The following SAMD12 variants were observed in gnomAD, a reference collection of about 807,000 sequenced individuals.
SAMD12 encodes the protein sterile alpha motif domain-containing protein 12.
In SAMD12, 9 loss-of-function variants were observed where a neutral mutation model predicts 15.0. The observed-to-expected ratio is 0.60, with a 90% CI of 0.36 to 1.05. The LOEUF is 1.05. Among genes scored for constraint, SAMD12 ranks in the 50% least tolerant of loss-of-function variants. The pLI, the probability that SAMD12 is intolerant of heterozygous loss-of-function variation, is 0.01. For missense variants in SAMD12, 230 were observed against 234.2 expected, an observed-to-expected ratio of 0.98 and a Z score of 0.12; for synonymous variants, 86 against 90.1, an observed-to-expected ratio of 0.96 and a Z score of 0.25.
Position 118,420,185 on chromosome 8 carries a change from T to C in SAMD12, c.322+19647A>G, listed in dbSNP as rs144575914. Reference sequence around the variant, plus strand: ...TGAAGAAATCTGATAACTATCAAGGTACAAATTGCTAGAGAAAGAAAATCG... The same window carrying C: ...TGAAGAAATCTGATAACTATCAAGGCACAAATTGCTAGAGAAAGAAAATCG... On this transcript the variant is annotated intron_variant, in intron 3 of 3. Coordinates refer to ENST00000314727, the MANE Select transcript of SAMD12 (RefSeq NM_207506.3). Among the ~76,000 whole-genome samples the C allele has an allele frequency of 9.6e-3, 1,465 of 152,274 alleles. 11 individuals carry two copies. Among genetic ancestry groups the C allele is most frequent in the Non-Finnish European group, 0.014 (933 of 68,018 alleles).
chr8:118,549,948 T>A (rs966372258), intron 2 of SAMD12, among the ~76,000 whole-genome samples: 1 of 151,484 alleles, frequency 6.6e-6, no homozygotes, highest in African/African-American at 2.4e-5. Flanking sequence ...ATGAAATGAA[T>A]GAAATGAAGC....
intron 2 of SAMD12, among the ~76,000 whole-genome samples, chr8:118,476,070 G>A (rs1223239901): frequency 6.6e-6 from 1 of 152,160 alleles, no homozygotes; most frequent in Non-Finnish European, 1.5e-5. Flanking sequence ...GTTTGCAAAG[G>A]CTGTGCTTGG....
At chr8:118,221,514 T>A (rs1050041124) in intron 4 of SAMD12, among the ~76,000 whole-genome samples, 2 of 151,500 alleles carry the variant, frequency 1.3e-5, no homozygotes, top group African/African-American at 4.9e-5. Context: ...AAGTAAAAAA[T>A]AAATAAATAA....
At chr8:118,417,098 G>GT (rs201197837) in intron 3 of SAMD12, among the ~76,000 whole-genome samples, 1,564 of 148,056 alleles carry the variant, frequency 0.011, 35 homozygotes, top group African/African-American at 0.033. Context: ...TTGTTTTTTG[G>GT]TTTTTTTTTT....
chr8:118,553,654 AT>A (rs1826422779), intron 2 of SAMD12, among the ~76,000 whole-genome samples: 1 of 150,658 alleles, frequency 6.6e-6, no homozygotes, highest in African/African-American at 2.4e-5. Flanking sequence ...ACCAAAAGCA[AT>A]GGCAACAAAA....
chr8:118,590,035 G>GT (rs1174617696), intron 1 of SAMD12, among the ~76,000 whole-genome samples: 1 of 152,098 alleles, frequency 6.6e-6, no homozygotes, highest in Non-Finnish European at 1.5e-5. Context: ...TAATCTGGTG[G>GT]TGAGTTCTCT....
At chr8:118,613,860 G>A (rs1828167521) in intron 1 of SAMD12, among the ~76,000 whole-genome samples, 1 of 152,152 alleles carries the variant, frequency 6.6e-6, no homozygotes, top group Non-Finnish European at 1.5e-5. Context: ...CAAAATTGCT[G>A]GTGTTAAGTG....
intron 1 of SAMD12, among the ~76,000 whole-genome samples, chr8:118,609,662 C>T (rs1171317348): frequency 2.6e-5 from 4 of 152,208 alleles, no homozygotes; most frequent in South Asian, 2.1e-4. Context: ...CCACCCTGTT[C>T]GTTTATCTTC....
intron 4 of SAMD12, among the ~76,000 whole-genome samples, chr8:118,329,869 T>C (rs1816735386): frequency 6.6e-6 from 1 of 152,154 alleles, no homozygotes; most frequent in African/African-American, 2.4e-5. Flanking sequence ...TGGCTATTAC[T>C]TGACTTTTTT....
At chr8:118,580,640 C>G (rs765496145) in intron 2 of SAMD12, 75 bp downstream of exon 2, 15 of 1,052,546 alleles carry the variant, frequency 1.4e-5, no homozygotes, top group Admixed American at 1.2e-4. Context: ...ACTATCAGCT[C>G]TTCTCTGTAG....
intron 4 of SAMD12, chr8:118,282,047 G>T: frequency 3.1e-6 from 1 of 322,756 alleles, no homozygotes; most frequent in Non-Finnish European, 6.1e-6. Context: ...TGGAGACGAG[G>T]GTAACCAAGT....
intron 4 of SAMD12, among the ~76,000 whole-genome samples, chr8:118,326,509 A>G (rs1816571195): frequency 6.6e-6 from 1 of 152,202 alleles, no homozygotes; most frequent in South Asian, 2.1e-4. Context: ...GAACAGGGAA[A>G]GAGAGCCATT....
At chr8:118,521,133 G>T (rs1825377556) in intron 2 of SAMD12, among the ~76,000 whole-genome samples, 3 of 152,162 alleles carry the variant, frequency 2.0e-5, no homozygotes, top group South Asian at 2.1e-4. Flanking sequence ...TGTGCATGCG[G>T]ATCTAAAAAT....
intron 4 of SAMD12, among the ~76,000 whole-genome samples, chr8:118,301,083 C>A (rs987976942): frequency 1.5e-4 from 23 of 152,096 alleles, no homozygotes; most frequent in Non-Finnish European, 1.5e-5. Context: ...AGTAGAAATG[C>A]TGATGACAAA....
the SAMD12 span, among the ~76,000 whole-genome samples, chr8:118,142,412 C>G: frequency 1.3e-5 from 2 of 152,328 alleles, no homozygotes; most frequent in South Asian, 4.1e-4. Context: ...TCTTCAAACC[C>G]TAACTCAGGT....
intron 4 of SAMD12, among the ~76,000 whole-genome samples, chr8:118,207,150 A>G (rs1049867385): frequency 2.0e-5 from 3 of 152,212 alleles, no homozygotes; most frequent in Non-Finnish European, 4.4e-5. Context: ...ATCATTTAGG[A>G]TATCTATTAA....
intron 3 of SAMD12, among the ~76,000 whole-genome samples, chr8:118,382,529 A>G (rs1819727127): frequency 6.6e-6 from 1 of 152,248 alleles, no homozygotes; most frequent in African/African-American, 2.4e-5. Context: ...GGTTAATAGC[A>G]TTGGGTTTAA....
chr8:118,306,431 C>T (rs1005572325), intron 4 of SAMD12, among the ~76,000 whole-genome samples: 1 of 152,188 alleles, frequency 6.6e-6, no homozygotes, highest in African/African-American at 2.4e-5. Context: ...ATGGATGACT[C>T]TAAACCTTCT....
intron 3 of SAMD12, 73 bp downstream of exon 3, chr8:118,439,759 A>G: frequency 7.0e-7 from 1 of 1,421,844 alleles, no homozygotes; most frequent in Non-Finnish European, 9.8e-7. Flanking sequence ...GTTTCATGGT[A>G]AGGGTATGGG....
Sources: allele counts gnomAD v4.1 joint callset (sites outside exome capture counted in the v4.1 genomes callset), GRCh38; gene constraint gnomAD v4.1.1; transcripts MANE v1.5; gene names NCBI Gene and HGNC (gene_info 2026-07-23, HGNC 2026-07-21).